Variants in AIRIM observed in about 807,000 individuals in gnomAD.
AIRIM encodes AFG2 interacting ribosome maturation factor.
At chr1:37,682,125 C>T in the AIRIM span, 1 of 152,186 alleles carries the variant, frequency 6.6e-6, no homozygotes, top group Non-Finnish European at 1.5e-5. Context: ...GTTTGTTTTA[C>T]AATTTTCTAC....
At chr1:37,687,284 C>T in the AIRIM span, among the ~76,000 whole-genome samples, 1 of 151,520 alleles carries the variant, frequency 6.6e-6, no homozygotes, top group South Asian at 2.1e-4. Flanking sequence ...TGCGCCACCA[C>T]ACCCGGCTAA....
chr1:37,683,758 T>C, the AIRIM span: 1 of 205,866 alleles, frequency 4.9e-6, no homozygotes, highest in Non-Finnish European at 9.9e-6. Flanking sequence ...GATAAATACA[T>C]CCAATTCAGA....
At chr1:37,685,202 G>T in the AIRIM span, among the ~76,000 whole-genome samples, 11 of 124,110 alleles carry the variant, frequency 8.9e-5, no homozygotes, top group East Asian at 6.0e-4. Flanking sequence ...TGGGGGGGGG[G>T]GGTGGGCGGG....
chr1:37,682,832 C>T, the AIRIM span: 1 of 351,994 alleles, frequency 2.8e-6, no homozygotes, highest in Non-Finnish European at 5.2e-6. Flanking sequence ...AGGAAAGACA[C>T]TATGTTCTTC....
At chr1:37,690,463 G>T in the AIRIM span, 1 of 1,261,070 alleles carries the variant, frequency 7.9e-7, no homozygotes, top group Non-Finnish European at 1.0e-6. Context: ...AAACTTAAAA[G>T]TCCAGACAGC....
the AIRIM span, chr1:37,686,413 A>G: frequency 3.1e-6 from 5 of 1,613,974 alleles, no homozygotes; most frequent in Non-Finnish European, 4.2e-6. Flanking sequence ...CTCGCTCCAC[A>G]TGGCTGCTGA....
the AIRIM span, among the ~76,000 whole-genome samples, chr1:37,687,235 C>G: frequency 6.6e-6 from 1 of 151,894 alleles, no homozygotes; most frequent in Non-Finnish European, 1.5e-5. Flanking sequence ...TCAAGTGATT[C>G]TCCTGCCTCA....
chr1:37,685,196 G>GT, the AIRIM span, among the ~76,000 whole-genome samples: 1 of 127,966 alleles, frequency 7.8e-6, no homozygotes, highest in East Asian at 2.8e-4. Flanking sequence ...TTTTTTTGGG[G>GT]GGGGGGGGTG....
At chr1:37,690,010 G>T in the AIRIM span, 1 of 1,426,850 alleles carries the variant, frequency 7.0e-7, no homozygotes, top group Non-Finnish European at 9.1e-7. Flanking sequence ...ACCTCCAGAA[G>T]CAGGGTTTTT....
the AIRIM span, chr1:37,683,022 A>AGAAACGTCAG: frequency 7.8e-7 from 1 of 1,274,066 alleles, no homozygotes; most frequent in Non-Finnish European, 1.1e-6. Context: ...GATGTTTCAA[A>AGAAACGTCAG]TATGTCAGAC....
chr1:37,683,346 T>C, the AIRIM span: 6 of 1,614,176 alleles, frequency 3.7e-6, no homozygotes, highest in Non-Finnish European at 4.2e-6. Context: ...TGTTCGTCTT[T>C]TGAAATTCGG....
the AIRIM span, chr1:37,682,940 A>C: frequency 1.6e-6 from 1 of 633,098 alleles, no homozygotes; most frequent in Non-Finnish European, 2.8e-6. Context: ...ACGGCCTGGC[A>C]TGCTGCAGCT....
At chr1:37,690,111 G>A in the AIRIM span, 1 of 1,296,012 alleles carries the variant, frequency 7.7e-7, no homozygotes, top group Non-Finnish European at 1.0e-6. Context: ...CCGCATCCCG[G>A]GTTCAAGCAA....
chr1:37,689,680 T>C, the AIRIM span: 1 of 1,614,078 alleles, frequency 6.2e-7, no homozygotes, highest in South Asian at 1.1e-5. Flanking sequence ...CTTTTAAATC[T>C]GGGAAGGCCC....
chr1:37,689,444 T>C, the AIRIM span: 2 of 799,710 alleles, frequency 2.5e-6, no homozygotes, highest in Non-Finnish European at 3.8e-6. Flanking sequence ...AATGGCTTTC[T>C]GACCGAGGTC....
chr1:37,683,092 T>C, the AIRIM span: 5 of 1,601,164 alleles, frequency 3.1e-6, no homozygotes, highest in Non-Finnish European at 3.4e-6. Flanking sequence ...TCAACTGTGG[T>C]ACCCGTGGTC....
the AIRIM span, among the ~76,000 whole-genome samples, chr1:37,686,740 T>C: frequency 6.6e-6 from 1 of 152,114 alleles, no homozygotes; most frequent in Non-Finnish European, 1.5e-5. Context: ...TCTAAGGAGA[T>C]TAGTGACAGT....
chr1:37,683,964 T>C, the AIRIM span: 2 of 156,296 alleles, frequency 1.3e-5, no homozygotes, highest in Non-Finnish European at 2.8e-5. Flanking sequence ...CTCTGAACTT[T>C]ATCCCATTAG....
At chr1:37,690,039 G>A in the AIRIM span, 1 of 1,415,708 alleles carries the variant, frequency 7.1e-7, no homozygotes, top group Non-Finnish European at 9.2e-7. Context: ...TTTTTTTCGA[G>A]ACGGAGTCTC....
Sources: allele counts gnomAD v4.1 joint callset (sites outside exome capture counted in the v4.1 genomes callset), GRCh38; gene constraint gnomAD v4.1.1; transcripts MANE v1.5; gene names NCBI Gene and HGNC (gene_info 2026-07-23, HGNC 2026-07-21).